The following ASTN2 variants were observed in gnomAD, a reference collection of about 807,000 sequenced individuals.
ASTN2 encodes astrotactin-2.
ASTN2 carries 54 observed loss-of-function variants against 139.8 expected under a neutral mutation model. The observed-to-expected ratio is 0.39, with a 90% CI of 0.31 to 0.48. ASTN2 has a LOEUF of 0.48. ASTN2 is among the 20% of genes least tolerant of loss of function. The pLI is 0.95. For missense variants in ASTN2, 1,565 were observed against 1,725.1 expected (o/e 0.91, Z 1.64); for synonymous variants, 756 against 719.5 (o/e 1.05, Z -0.81).
At chr9:116,681,845 C>T (rs907109794) in intron 16 of ASTN2, among the ~76,000 whole-genome samples, 1 of 151,080 alleles carries the variant, frequency 6.6e-6, no homozygotes, top group Non-Finnish European at 1.5e-5. Context: ...AAACTGGATC[C>T]CTTCCTTACA....
intron 22 of ASTN2, among the ~76,000 whole-genome samples, chr9:116,438,920 A>T (rs1588058406): frequency 1.3e-5 from 2 of 152,304 alleles, no homozygotes; most frequent in East Asian, 1.9e-4. Context: ...ATTGCTCTCC[A>T]GCCTGGCCAA....
intron 1 of ASTN2, among the ~76,000 whole-genome samples, chr9:117,394,915 C>G (rs1350003957): frequency 6.6e-6 from 1 of 152,034 alleles, no homozygotes; most frequent in Non-Finnish European, 1.5e-5. Flanking sequence ...CTTCAAGTAT[C>G]TACTTGAAGA....
chr9:116,914,056 C>G (rs1834381384), intron 10 of ASTN2, among the ~76,000 whole-genome samples: 1 of 148,056 alleles, frequency 6.8e-6, no homozygotes, highest in Non-Finnish European at 1.5e-5. Context: ...AGGTGTGGAG[C>G]CTGGAAATAG....
Position 116,835,473 on chromosome 9 carries a change from A to G in ASTN2, c.2041-14690T>C, listed in dbSNP as rs146438842. Among the ~76,000 whole-genome samples the G allele has an allele frequency of 8.5e-5, 13 of 152,310 alleles. 1 individual carries two copies. Among genetic ancestry groups the G allele is most frequent in the Non-Finnish European group, 1.8e-4 (12 of 68,022 alleles). On this transcript the variant is annotated intron_variant, in intron 11 of 22. Coordinates refer to ENST00000313400, the MANE Select transcript of ASTN2 (RefSeq NM_001365068.1). ...TTCAGACCCTCCCAATCCTAAAGAG[A>G]TTAACTAAAATCTGAATAGGAAACA...
intron 19 of ASTN2, among the ~76,000 whole-genome samples, chr9:116,518,976 C>T (rs1240358752): frequency 2.6e-5 from 4 of 151,966 alleles, no homozygotes; most frequent in South Asian, 2.1e-4. Flanking sequence ...TATATATGCA[C>T]CTAATACTGG....
Position 116,839,881 on chromosome 9 carries a change from A to ATTT in ASTN2, c.2041-19101_2041-19099dup, listed in dbSNP as rs71502081. ...TTTCATTATTATTATTATTATTATT[A>ATTT]TTTTTTTTTTTTTAATTGATCATTC... On this transcript the variant is annotated intron_variant, in intron 11 of 22. Transcript: ENST00000313400. Among the ~76,000 whole-genome samples the ATTT allele has an allele frequency of 1.3e-3, 169 of 127,964 alleles. No individual in the cohort carries two copies. The East Asian group carries it at 0.018, about 14-fold the overall frequency. 83.9% of individuals were successfully genotyped at this position (127,964 alleles called of 152,430 possible).
rs143936209 is a variant in ASTN2, at chr9:116,807,838, G to A, written c.2208-2018C>T. Among the ~76,000 whole-genome samples the A allele has an allele frequency of 4.8e-3, 725 of 152,084 alleles. 7 individuals carry two copies. Among genetic ancestry groups the A allele is most frequent in the African/African-American group, 0.016 (652 of 41,474 alleles). On this transcript the variant is annotated intron_variant, in intron 12 of 22. Transcript: ENST00000313400. ...AAACATTATCAAAGTCTGGCAGGGC[G>A]CAGTGGCTCACGCCTGTAATCCCAA...
At chr9:117,170,549 C>T (rs137963775) in intron 3 of ASTN2, among the ~76,000 whole-genome samples, 263 of 152,182 alleles carry the variant, frequency 1.7e-3, no homozygotes, top group African/African-American at 6.0e-3. Flanking sequence ...TGATGCTAAA[C>T]ACTAAAGAGA....
In ASTN2 at chr9:116,927,128, A is replaced by C. The variant is rs542796574; in HGVS notation, c.1889+48080T>G. Among the ~76,000 whole-genome samples the C allele has an allele frequency of 1.1e-3, 174 of 152,314 alleles. 1 individual carries two copies. The highest frequency in any genetic ancestry group is 4.0e-3 in the African/African-American group (168 of 41,580). On this transcript the variant is annotated intron_variant, in intron 10 of 22. Coordinates refer to ENST00000313400, the MANE Select transcript of ASTN2 (RefSeq NM_001365068.1). ...ACCCATTTTCATTGCAGATTGCAGA[A>C]AACCTTGAGCGTTTCACTGAGGAAT... is the stretch of plus-strand genomic sequence containing the variant.
chr9:117,340,080 A>C (rs1193785840), intron 1 of ASTN2, among the ~76,000 whole-genome samples: 2 of 151,834 alleles, frequency 1.3e-5, no homozygotes, highest in African/African-American at 4.8e-5. Flanking sequence ...TCCTCATCCC[A>C]CACACACCTC....
chr9:116,652,216 C>T (rs1857957459), intron 16 of ASTN2, among the ~76,000 whole-genome samples: 1 of 152,018 alleles, frequency 6.6e-6, no homozygotes, highest in South Asian at 2.1e-4. Flanking sequence ...ATCCCAGCTA[C>T]TCGGGAGGCT....
chr9:116,773,085 A>ATT (rs11464715), intron 13 of ASTN2, among the ~76,000 whole-genome samples: 19,664 of 143,466 alleles, frequency 0.14, 1,631 homozygotes, highest in Middle Eastern at 0.22. Context: ...CCTCCATCCT[A>ATT]TTTTTTTTTT....
chr9:116,832,212 T>G (rs955604099), intron 11 of ASTN2, among the ~76,000 whole-genome samples: 3 of 152,200 alleles, frequency 2.0e-5, no homozygotes, highest in Non-Finnish European at 2.9e-5. Context: ...CTTGCCAAAC[T>G]TACTAATTGC....
rs898004784 is a variant in ASTN2 at position 116,535,619 on chromosome 9, T to A, written c.3356-48119A>T. On this transcript the variant is annotated intron_variant, in intron 19 of 22. Transcript: ENST00000313400. ...TTTATCTCTCCTTCATTTATGAAGC[T>A]TAGTTTCGCTGGATATGAAATTCTG... is the stretch of plus-strand genomic sequence containing the variant. Among the ~76,000 whole-genome samples, 46 of 152,188 alleles carry A rather than the reference T, an allele frequency of 3.0e-4. 1 individual carries two copies. Among genetic ancestry groups the A allele is most frequent in the Non-Finnish European group, 1.6e-4 (11 of 68,034 alleles).
chr9:117,138,812 G>A (rs1289007661), intron 4 of ASTN2, among the ~76,000 whole-genome samples: 1 of 152,134 alleles, frequency 6.6e-6, no homozygotes, highest in African/African-American at 2.4e-5. Context: ...TTAATAATCT[G>A]ACTATGAAAT....
At chr9:116,932,486 C>A (rs1834928744) in intron 10 of ASTN2, among the ~76,000 whole-genome samples, 1 of 152,126 alleles carries the variant, frequency 6.6e-6, no homozygotes, top group Non-Finnish European at 1.5e-5. Context: ...GATAGCAGCT[C>A]CAGGTTTCCT....
intron 11 of ASTN2, among the ~76,000 whole-genome samples, chr9:116,823,180 G>A (rs939257792): frequency 5.9e-5 from 9 of 152,204 alleles, no homozygotes; most frequent in African/African-American, 2.2e-4. Flanking sequence ...TTAAGCCACT[G>A]AGTGTGCAGC....
intron 3 of ASTN2, among the ~76,000 whole-genome samples, chr9:117,211,410 C>A (rs561096987): frequency 1.1e-4 from 16 of 152,162 alleles, no homozygotes; most frequent in African/African-American, 3.9e-4. Context: ...TTCCCTTTTG[C>A]TGTTATTGGG....
chr9:116,871,849 C>A (rs981304985), intron 10 of ASTN2, among the ~76,000 whole-genome samples: 1 of 152,146 alleles, frequency 6.6e-6, no homozygotes, highest in Non-Finnish European at 1.5e-5. Flanking sequence ...TTTAGGGAGC[C>A]TTCTCAGCCC....
Sources: allele counts gnomAD v4.1 joint callset (sites outside exome capture counted in the v4.1 genomes callset), GRCh38; gene constraint gnomAD v4.1.1; transcripts MANE v1.5; gene names NCBI Gene and HGNC (gene_info 2026-07-23, HGNC 2026-07-21).